Variants in FAM81B observed in about 807,000 individuals in gnomAD.
FAM81B encodes the protein protein FAM81B.
FAM81B carries 60 observed loss-of-function variants against 58.7 expected under a neutral mutation model. The ratio of observed to expected loss-of-function variants is 1.02; its 90% CI spans 0.83 to 1.27. The LOEUF (loss-of-function observed/expected upper bound fraction) is 1.27. FAM81B is among the 50% of genes most tolerant of loss of function. FAM81B has a pLI of 0.00. For synonymous variants in FAM81B, 189 were observed against 179.6 expected (o/e 1.05, Z -0.42); for missense variants, 491 against 522.0 (o/e 0.94, Z 0.58).
chr5:95,423,547 TAA>T lies in FAM81B; in HGVS notation c.656+3165_656+3166del, dbSNP rs70978187. Among the ~76,000 whole-genome samples the T allele has an allele frequency of 5.2e-3, 648 of 123,458 alleles. 3 individuals are homozygous for T. The highest frequency in any genetic ancestry group is 0.011 in the South Asian group (40 of 3,582). The allele number at this position is 123,458 out of a possible 152,430, so 81.0% of individuals were successfully genotyped here. On this transcript the variant is annotated intron_variant, in intron 5 of 9. Coordinates refer to ENST00000283357, the MANE Select transcript of FAM81B (RefSeq NM_152548.3). ...ACTCCAGAACAAACCTGCATGTGGG[TAA>T]AAAAAAAAAAAAAAAAAAAGATAAA... is the stretch of plus-strand genomic sequence containing the variant.
At chr5:95,407,973 G>A (rs936965752) in intron 3 of FAM81B, among the ~76,000 whole-genome samples, 3 of 151,982 alleles carry the variant, frequency 2.0e-5, no homozygotes, top group Admixed American at 6.6e-5. Flanking sequence ...GCTCTTGGTC[G>A]ACACCCCAGA....
chr5:95,402,757 C>A (rs188850871), intron 3 of FAM81B, among the ~76,000 whole-genome samples: 1 of 152,212 alleles, frequency 6.6e-6, no homozygotes, highest in African/African-American at 2.4e-5. Context: ...GCACCTCACC[C>A]GCAAGAGTGA....
At chr5:95,440,787 G>A (rs1269596495) in intron 7 of FAM81B, 1 of 283,998 alleles carries the variant, frequency 3.5e-6, no homozygotes, top group Non-Finnish European at 6.9e-6. Flanking sequence ...TTTGCGGGGA[G>A]GAATCCCAGA....
intron 3 of FAM81B, among the ~76,000 whole-genome samples, chr5:95,401,795 A>G (rs1762121296): frequency 6.6e-6 from 1 of 152,234 alleles, no homozygotes. Flanking sequence ...ACAAGAACAG[A>G]ACAGGCAGGG....
At position 95,440,110 on chromosome 5, in the gene FAM81B, A is replaced by G. The variant is rs529932607; in HGVS notation, c.893+3204A>G. ...CTACAAGATTGAAGACAGCTAATTT[A>G]AGAAACATCCACAGCAGAGACTGGC... On this transcript the variant is annotated intron_variant, in intron 7 of 9. Transcript: ENST00000283357. 4.0e-5 allele frequency: 22 copies of G among 543,864 alleles called. 1 individual carries two copies. Among genetic ancestry groups the G allele is most frequent in the South Asian group, 3.3e-4 (21 of 63,132 alleles). The allele number at this position is 543,864 out of a possible 1,614,324, so 33.7% of individuals were successfully genotyped here.
intron 3 of FAM81B, among the ~76,000 whole-genome samples, chr5:95,407,924 T>C (rs1446970728): frequency 6.6e-6 from 1 of 152,170 alleles, no homozygotes; most frequent in East Asian, 1.9e-4. Flanking sequence ...ATCTCACAGT[T>C]TCTCAGGATC....
intron 3 of FAM81B, among the ~76,000 whole-genome samples, chr5:95,408,613 A>G (rs1762328034): frequency 6.6e-6 from 1 of 152,208 alleles, no homozygotes; most frequent in African/African-American, 2.4e-5. Context: ...CTTAGGCTTG[A>G]ATACTGGTCC....
intron 3 of FAM81B, among the ~76,000 whole-genome samples, chr5:95,403,298 T>C (rs1271232734): frequency 6.6e-6 from 1 of 152,194 alleles, no homozygotes; most frequent in Non-Finnish European, 1.5e-5. Context: ...AAATACTGAA[T>C]TAACTTAAGT....
chr5:95,446,585 T>C lies in FAM81B; in HGVS notation c.917T>C (p.Leu306Pro). Residue 306 changes from leucine to proline, a missense_variant, in exon 8 of 10, where the codon CTG (leucine) becomes CCG (proline). Leu to Pro is a moderately conservative substitution (Grantham distance 98, BLOSUM62 -3). Coordinates refer to ENST00000283357, the MANE Select transcript of FAM81B (RefSeq NM_152548.3). The stretch of plus-strand genomic sequence containing the variant: ...AGATTTCATTCACTTTCAAGTAATC[T>C]GTACGAAGAAGTTGAGAATAATAAA... ...EFKFHSLSSNLYEEVENNKKW... is the reference protein window; with the variant it reads ...EFKFHSLSSNPYEEVENNKKW... The C allele has an allele frequency of 6.2e-7, 1 of 1,604,072 alleles. No individual in the cohort carries two copies. Among genetic ancestry groups the C allele is most frequent in the Non-Finnish European group, 8.5e-7 (1 of 1,176,694 alleles).
chr5:95,414,439 A>G (rs1032547701), intron 4 of FAM81B, among the ~76,000 whole-genome samples: 2 of 152,210 alleles, frequency 1.3e-5, no homozygotes, highest in African/African-American at 4.8e-5. Flanking sequence ...GACAACAAAG[A>G]CATTATGTCA....
At chr5:95,395,526 A>C (rs1012083124) in intron 2 of FAM81B, among the ~76,000 whole-genome samples, 3 of 152,144 alleles carry the variant, frequency 2.0e-5, no homozygotes, top group Non-Finnish European at 2.9e-5. Context: ...TTCCTGTCAT[A>C]AAAATGCTGC....
intron 7 of FAM81B, chr5:95,439,993 T>C (rs756680859): frequency 1.1e-5 from 4 of 353,706 alleles, no homozygotes; most frequent in Non-Finnish European, 2.2e-5. Context: ...CATGCCAGCC[T>C]GGATGACAGA....
Position 95,450,309 on chromosome 5 carries a change from C to G in FAM81B, c.*27C>G. On this transcript the variant is annotated 3_prime_UTR_variant, in exon 10 of 10. Coordinates refer to ENST00000283357, the MANE Select transcript of FAM81B (RefSeq NM_152548.3). ...CCTTTTCAGTCATCTTCTTTTTCATCAGCCAATGGAGTGATTTGTTGGAAA... is the reference window on the plus strand; with the variant it reads ...CCTTTTCAGTCATCTTCTTTTTCATGAGCCAATGGAGTGATTTGTTGGAAA... The G allele has an allele frequency of 6.2e-7, 1 of 1,608,420 alleles. No homozygotes were observed. The highest frequency in any genetic ancestry group is 1.3e-5 in the African/African-American group (1 of 74,636).
intron 6 of FAM81B, among the ~76,000 whole-genome samples, chr5:95,435,739 T>C (rs1027558792): frequency 6.6e-6 from 1 of 152,198 alleles, no homozygotes; most frequent in Non-Finnish European, 1.5e-5. Context: ...TTTAAATGTG[T>C]TTTGCTTTAA....
intron 3 of FAM81B, among the ~76,000 whole-genome samples, chr5:95,408,961 A>C (rs1762337664): frequency 6.6e-6 from 1 of 152,212 alleles, no homozygotes; most frequent in South Asian, 2.1e-4. Flanking sequence ...CCTGTTGAGC[A>C]CTTGAAATGT....
At chr5:95,433,246 T>A (rs1744969867) in intron 6 of FAM81B, among the ~76,000 whole-genome samples, 2 of 140,552 alleles carry the variant, frequency 1.4e-5, no homozygotes, top group Non-Finnish European at 3.0e-5. Flanking sequence ...CTCACAGTCA[T>A]GGTGAAAGGT....
intron 5 of FAM81B, among the ~76,000 whole-genome samples, chr5:95,421,164 C>A (rs1762671348): frequency 6.6e-6 from 1 of 152,200 alleles, no homozygotes; most frequent in Non-Finnish European, 1.5e-5. Context: ...TAGAATTCAG[C>A]AACATGGTCT....
chr5:95,403,434 T>TTTAGTAA (rs982477830), intron 3 of FAM81B, among the ~76,000 whole-genome samples: 1 of 152,258 alleles, frequency 6.6e-6, no homozygotes, highest in Non-Finnish European at 1.5e-5. Flanking sequence ...AAGTACTTAA[T>TTTAGTAA]GTATCTTTAT....
At chr5:95,442,046 C>T (rs1164658280) in intron 7 of FAM81B, among the ~76,000 whole-genome samples, 1 of 152,192 alleles carries the variant, frequency 6.6e-6, no homozygotes, top group Non-Finnish European at 1.5e-5. Flanking sequence ...CAAATAATAT[C>T]ATCCAACTTT....
Sources: gnomAD v4.1 joint callset for allele counts (sites outside exome capture counted in the v4.1 genomes callset) on GRCh38, gnomAD v4.1.1 for gene constraint, MANE v1.5 for transcripts, NCBI Gene and HGNC (gene_info 2026-07-23, HGNC 2026-07-21) for gene names.